The following GYG2 variants were observed in gnomAD, a reference collection of about 807,000 sequenced individuals.
GYG2 encodes the protein glycogenin-2.
In GYG2, 29 loss-of-function variants were observed where a neutral mutation model predicts 29.4. The observed-to-expected ratio is 0.99, with a 90% CI of 0.74 to 1.35. GYG2 has a LOEUF of 1.35. Among genes scored for constraint, GYG2 ranks in the 40% most tolerant of loss-of-function variants. GYG2 has a pLI of 0.00. For missense variants in GYG2, 370 were observed against 385.7 expected (o/e 0.96, Z 0.34); for synonymous variants, 167 against 172.3 (o/e 0.97, Z 0.24).
Position 2,856,752 on chromosome X carries a change from G to GTATCTATC in GYG2, c.614+157_614+164dup, listed in dbSNP as rs1284530504. The GTATCTATC allele has an allele frequency of 9.5e-3, 1,573 of 166,272 alleles. 24 individuals are homozygous for GTATCTATC. Among genetic ancestry groups the GTATCTATC allele is most frequent in the African/African-American group, 0.049 (1,345 of 27,594 alleles). 13.7% of individuals were successfully genotyped at this position (166,272 alleles called of 1,213,427 possible). On this transcript the variant is annotated intron_variant, in intron 6 of 10. Transcript: ENST00000398806. ...ATCTATCTATCATCTATCTATCTAT[G>GTATCTATC]TATCTATCTATCTATCTATCTATCT...
chrX:2,840,862 G>C (rs1486006572), intron 2 of GYG2, among the ~76,000 whole-genome samples: 1 of 111,475 alleles, frequency 9.0e-6, no homozygotes, highest in African/African-American at 3.3e-5. Context: ...ATACATGATA[G>C]TAAGATAGAT....
chrX:2,838,532 A>G (rs1371356517), intron 2 of GYG2, among the ~76,000 whole-genome samples: 5 of 99,368 alleles, frequency 5.0e-5, no homozygotes, highest in Non-Finnish European at 9.9e-5. Flanking sequence ...TTTTAAATCT[A>G]AAGACTGACT....
At chrX:2,860,227 A>G (rs1406803926) in intron 7 of GYG2, among the ~76,000 whole-genome samples, 162 bp downstream of exon 7, 1 of 110,885 alleles carries the variant, frequency 9.0e-6, no homozygotes, top group Non-Finnish European at 1.9e-5. Context: ...AAAAATTTTT[A>G]AGTTTTAGCT....
chrX:2,831,266 A>G (rs1358557938), intron 2 of GYG2, among the ~76,000 whole-genome samples: 1 of 112,343 alleles, frequency 8.9e-6, no homozygotes, highest in African/African-American at 3.2e-5. Flanking sequence ...GGGTCTTGCT[A>G]TGTTGCCCAG....
At chrX:2,836,255 A>G (rs966377806) in intron 2 of GYG2, among the ~76,000 whole-genome samples, 5 of 110,829 alleles carry the variant, frequency 4.5e-5, no homozygotes, top group Admixed American at 3.8e-4. Context: ...TGGGGGAGAA[A>G]ATGTGGTTTT....
intron 2 of GYG2, among the ~76,000 whole-genome samples, chrX:2,840,748 A>G (rs1385967950): frequency 2.7e-5 from 3 of 110,436 alleles, no homozygotes; most frequent in Non-Finnish European, 5.7e-5. Context: ...AGATAGATGG[A>G]TGATAGATGA....
rs145468285 is a variant in GYG2 at position 2,877,234 on chromosome X, A to C, written c.1178A>C (p.Glu393Ala). Residue 393 changes from glutamate to alanine, a missense_variant, in exon 10 of 11, where the codon GAG becomes GCG. Transcript: ENST00000398806. ...PANKVESVSS[E>A]ETFEPSQELP... ...AATAAAGTCGAAAGTGTCTCATCCG[A>C]GGAAACCTTCGAACCAAGCCAGGAA... 8.3e-7 allele frequency: 1 copy of C among 1,207,493 alleles called. No homozygotes were observed. The highest frequency in any genetic ancestry group is 1.8e-5 in the African/African-American group (1 of 56,831).
chrX:2,864,868 T>G (rs758355748), intron 8 of GYG2, among the ~76,000 whole-genome samples: 5 of 109,828 alleles, frequency 4.6e-5, no homozygotes, highest in African/African-American at 1.7e-4. Context: ...GTCCAAGCAA[T>G]TCTCCTGCCT....
chrX:2,876,032 C>CTTT lies in GYG2; in HGVS notation c.1143+118_1143+119insTTT, dbSNP rs1569075859. 14 of 241,084 alleles carry CTTT rather than the reference C, an allele frequency of 5.8e-5. No individual in the cohort carries two copies. The African/African-American group carries it at 6.7e-4, about 12-fold the overall frequency. 19.9% of individuals were successfully genotyped at this position (241,084 alleles called of 1,213,427 possible). On this transcript the variant is annotated intron_variant, in intron 9 of 10. Coordinates refer to ENST00000398806, the MANE Select transcript of GYG2 (RefSeq NM_001079855.2). The stretch of plus-strand genomic sequence containing the variant: ...CGCCATAGGCTTTTAAAAATTCCTC[C>CTTT]CTTTTTTTTTTTTTTTTTTTTTTTT...
intron 6 of GYG2, among the ~76,000 whole-genome samples, chrX:2,858,372 G>T (rs2088073828): frequency 9.0e-6 from 1 of 111,537 alleles, no homozygotes; most frequent in Non-Finnish European, 1.9e-5. Flanking sequence ...AGGCTGCGGA[G>T]GGAGGCTCAC....
intron 2 of GYG2, among the ~76,000 whole-genome samples, chrX:2,835,459 G>A (rs12849018): frequency 8.9e-6 from 1 of 112,086 alleles, no homozygotes; most frequent in African/African-American, 3.2e-5. Flanking sequence ...TTTAGTTTAG[G>A]TTTACAGACC....
In GYG2 at chrX:2,881,914, C is replaced by T. The variant is rs144009618; in HGVS notation, c.*701C>T. The T allele has an allele frequency of 9.0e-6, 1 of 111,016 alleles. No homozygotes were observed. Among genetic ancestry groups the T allele is most frequent in the Non-Finnish European group, 1.9e-5 (1 of 52,945 alleles). The allele number at this position is 111,016 out of a possible 1,213,427, so 9.1% of individuals were successfully genotyped here. A position where few individuals can be genotyped will look rare whatever the true frequency, so the allele number is the denominator to read the frequency against. Reference sequence around the variant, plus strand: ...ACCGATTCACTTCCTGGTTGAGAAGCAACGAGGGCTTGCTCTAAATCGTTT... The same window carrying T: ...ACCGATTCACTTCCTGGTTGAGAAGTAACGAGGGCTTGCTCTAAATCGTTT... On this transcript the variant is annotated 3_prime_UTR_variant, in exon 11 of 11. Coordinates refer to ENST00000398806, the MANE Select transcript of GYG2 (RefSeq NM_001079855.2).
At chrX:2,853,748 T>C (rs1443796807) in intron 3 of GYG2, 8 of 363,771 alleles carry the variant, frequency 2.2e-5, no homozygotes, top group Middle Eastern at 7.5e-4. Context: ...TTTCACACCA[T>C]TGGCATTTGC....
intron 2 of GYG2, among the ~76,000 whole-genome samples, chrX:2,835,762 GTTGT>G (rs2087359358): frequency 9.0e-6 from 1 of 110,787 alleles, no homozygotes; most frequent in African/African-American, 3.3e-5. Flanking sequence ...GTAAATGTGT[GTTGT>G]TTAAGTCTCC....
intron 3 of GYG2, among the ~76,000 whole-genome samples, chrX:2,843,685 A>G (rs1165610206): frequency 8.9e-6 from 1 of 112,082 alleles, no homozygotes; most frequent in Admixed American, 9.5e-5. Context: ...GCTGGAGTAC[A>G]GTGGTACCAT....
chrX:2,841,371 TAGA>T (rs2087496416), intron 2 of GYG2, among the ~76,000 whole-genome samples: 1 of 105,231 alleles, frequency 9.5e-6, no homozygotes, highest in Non-Finnish European at 2.0e-5. Flanking sequence ...CAATGATAGA[TAGA>T]TGATGGATGG....
chrX:2,870,915 AT>A (rs889329233), intron 8 of GYG2, among the ~76,000 whole-genome samples: 13 of 111,469 alleles, frequency 1.2e-4, no homozygotes, highest in Non-Finnish European at 2.4e-4. Context: ...ATGATAGTTA[AT>A]TTTTTAATTG....
intron 8 of GYG2, among the ~76,000 whole-genome samples, chrX:2,869,829 G>T (rs1317472146): frequency 8.9e-6 from 1 of 111,935 alleles, no homozygotes; most frequent in African/African-American, 3.3e-5. Flanking sequence ...TTTTTGTAGA[G>T]ATGGGTTTCA....
chrX:2,830,725 A>G (rs975317457), intron 2 of GYG2, among the ~76,000 whole-genome samples: 8 of 111,591 alleles, frequency 7.2e-5, no homozygotes, highest in African/African-American at 2.6e-4. Context: ...GTTTGAGACC[A>G]TCCTGGGCAA....
Sources: allele counts gnomAD v4.1 joint callset (sites outside exome capture counted in the v4.1 genomes callset), GRCh38; gene constraint gnomAD v4.1.1; transcripts MANE v1.5; gene names NCBI Gene and HGNC (gene_info 2026-07-23, HGNC 2026-07-21).